LPA: variants seen among roughly 807,000 people sequenced by gnomAD.
LPA encodes lipoprotein(a).
In LPA, 199 loss-of-function variants were observed where a neutral mutation model predicts 197.9. The observed-to-expected ratio is 1.01, with a 90% CI of 0.90 to 1.13. The LOEUF is 1.13. LPA is among the 50% of genes most tolerant of loss of function. LPA has a pLI of 0.00. For missense variants in LPA, 1,853 were observed against 1,785.8 expected, an observed-to-expected ratio of 1.04 and a Z score of -0.68; for synonymous variants, 715 against 639.5, an observed-to-expected ratio of 1.12 and a Z score of -1.78.
chr6:160,586,707 T>G (rs1778919327), intron 24 of LPA, 77 bp from the exon 25 acceptor site: 1 of 1,600,018 alleles, frequency 6.2e-7, no homozygotes, highest in Non-Finnish European at 8.5e-7. Flanking sequence ...TATGTTTTCT[T>G]GTAACAAAGT....
intron 35 of LPA, 25 bp from the exon 36 acceptor site, chr6:160,540,208 G>GA (rs773758589): frequency 2.0e-4 from 318 of 1,613,940 alleles, no homozygotes; most frequent in Admixed American, 1.7e-4. Context: ...GATGTCAAGA[G>GA]AAAAATATGG....
chr6:160,599,403 C>T, intron 20 of LPA, 97 bp downstream of exon 20: 1 of 1,544,776 alleles, frequency 6.5e-7, no homozygotes, highest in Non-Finnish European at 8.9e-7. Flanking sequence ...TGCATCTGAG[C>T]CAAGTTGAGT....
intron 28 of LPA, among the ~76,000 whole-genome samples, chr6:160,570,599 C>T (rs1208330106): frequency 6.6e-6 from 1 of 152,064 alleles, no homozygotes; most frequent in African/African-American, 2.4e-5. Flanking sequence ...CAAACCTGCA[C>T]CTTGTGCACA....
chr6:160,590,810 T>G, intron 23 of LPA, 134 bp downstream of exon 23: 1 of 1,254,822 alleles, frequency 8.0e-7, no homozygotes, highest in Non-Finnish European at 1.1e-6. Context: ...CGCTGAGGCT[T>G]CCTTCCCATT....
intron 20 of LPA, among the ~76,000 whole-genome samples, chr6:160,599,076 G>T (rs1007166058): frequency 6.6e-6 from 1 of 152,162 alleles, no homozygotes; most frequent in Non-Finnish European, 1.5e-5. Flanking sequence ...AGGCACGGTG[G>T]CTCACGCCTG....
chr6:160,544,696 G>C (rs148512436), intron 33 of LPA, among the ~76,000 whole-genome samples: 1 of 152,304 alleles, frequency 6.6e-6, no homozygotes, highest in East Asian at 1.9e-4. Context: ...AAAGTCCAGG[G>C]TGGTGTTCTG....
At chr6:160,596,588 G>T (rs1779137429) in intron 20 of LPA, among the ~76,000 whole-genome samples, 1 of 152,046 alleles carries the variant, frequency 6.6e-6, no homozygotes, top group Non-Finnish European at 1.5e-5. Context: ...AGCCATCAGA[G>T]ACATGATGCC....
At chr6:160,602,151 C>G (rs1028483659) in intron 18 of LPA, among the ~76,000 whole-genome samples, 2 of 152,206 alleles carry the variant, frequency 1.3e-5, no homozygotes, top group East Asian at 3.8e-4. Context: ...CAAGCCCAGA[C>G]CCTCCATTCC....
At chr6:160,570,915 C>T (rs1198068487) in intron 28 of LPA, among the ~76,000 whole-genome samples, 2 of 152,106 alleles carry the variant, frequency 1.3e-5, no homozygotes, top group Non-Finnish European at 2.9e-5. Context: ...GAATGTTGGC[C>T]TGTCTTGCTA....
rs545973107 is a variant in LPA at position 160,585,947 on chromosome 6, TAAAC to T, written c.4129+498_4129+501del. ...CCAAGATGAAGGTAGGCTGGGGAGA[TAAAC>T]AATTTGGTGGCTATGTACTGCTTCA... On this transcript the variant is annotated intron_variant, in intron 25 of 38. Coordinates refer to ENST00000316300, the MANE Select transcript of LPA (RefSeq NM_005577.4). Among the ~76,000 whole-genome samples the T allele has an allele frequency of 7.3e-3, 1,103 of 152,120 alleles. 5 individuals are homozygous for T. The highest frequency in any genetic ancestry group is 0.013 in the Admixed American group (201 of 15,276).
intron 24 of LPA, among the ~76,000 whole-genome samples, chr6:160,586,924 C>G (rs1383604293): frequency 6.6e-6 from 1 of 152,118 alleles, no homozygotes; most frequent in African/African-American, 2.4e-5. Flanking sequence ...TACCTTCTGC[C>G]AAATACATTC....
chr6:160,607,146 A>G (rs1779372668), intron 16 of LPA, among the ~76,000 whole-genome samples: 1 of 152,092 alleles, frequency 6.6e-6, no homozygotes, highest in African/African-American at 2.4e-5. Flanking sequence ...ATCCAGGAGG[A>G]TAACCTTTCC....
rs768477904 is a variant in LPA, at chr6:160,586,415, C to T, written c.4129+34G>A. On this transcript the variant is annotated intron_variant, in intron 25 of 38. Transcript: ENST00000316300. ...TTGCAAATCTTTTTATCCCAATGTC[C>T]GAGGGTATGGTTGTCTGACTGCAGG... 1.8e-5 allele frequency: 29 copies of T among 1,610,472 alleles called. No homozygotes were observed. In the South Asian group the frequency reaches 2.4e-4, roughly 13 times the overall value.
At chr6:160,592,413 G>A (rs1779047418) in intron 22 of LPA, among the ~76,000 whole-genome samples, 1 of 152,004 alleles carries the variant, frequency 6.6e-6, no homozygotes, top group Non-Finnish European at 1.5e-5. Flanking sequence ...TTTCTTTTCT[G>A]ATATTATGCA....
intron 20 of LPA, among the ~76,000 whole-genome samples, chr6:160,596,770 G>A (rs995505508): frequency 2.0e-5 from 3 of 152,244 alleles, no homozygotes; most frequent in Middle Eastern, 3.4e-3. Flanking sequence ...TTTGAGAATT[G>A]CAGTTTGAAA....
Position 160,635,014 on chromosome 6 carries a change from C to A in LPA, c.1075+109G>T, listed in dbSNP as rs562264401. 1.9e-5 allele frequency: 28 copies of A among 1,507,274 alleles called. 1 individual carries two copies. The highest frequency in any genetic ancestry group is 4.3e-5 in the African/African-American group (3 of 69,054). The allele number at this position is 1,507,274 out of a possible 1,614,324, so 93.4% of individuals were successfully genotyped here. A position where few individuals can be genotyped will look rare whatever the true frequency, so the allele number is the denominator to read the frequency against. ...TTCCCCCAACATGGCAGAACTCCGG[C>A]AACACTCGAGCATCCGTTTACCATT... On this transcript the variant is annotated intron_variant, in intron 7 of 38. Transcript: ENST00000316300.
chr6:160,610,278 G>C (rs1042811780), intron 16 of LPA, among the ~76,000 whole-genome samples: 1 of 152,110 alleles, frequency 6.6e-6, no homozygotes, highest in South Asian at 2.1e-4. Flanking sequence ...CCTCTCACAG[G>C]CACTTCATTG....
chr6:160,605,443 C>T (rs1298490741), intron 17 of LPA, among the ~76,000 whole-genome samples: 1 of 152,150 alleles, frequency 6.6e-6, no homozygotes, highest in Non-Finnish European at 1.5e-5. Context: ...GTAGTAAGTT[C>T]TTAGAAATAT....
intron 1 of LPA, among the ~76,000 whole-genome samples, chr6:160,657,548 A>G (rs1780153276): frequency 6.6e-6 from 1 of 151,972 alleles, no homozygotes; most frequent in Admixed American, 6.6e-5. Context: ...ACAGTTACGC[A>G]TCACCATGCC....
Sources: allele counts gnomAD v4.1 joint callset (sites outside exome capture counted in the v4.1 genomes callset), GRCh38; gene constraint gnomAD v4.1.1; transcripts MANE v1.5; gene names NCBI Gene and HGNC (gene_info 2026-07-23, HGNC 2026-07-21).